PAK5: variants seen among roughly 807,000 people sequenced by gnomAD.
The protein encoded by PAK5 is serine/threonine-protein kinase PAK 5.
In PAK5, 16 loss-of-function variants were observed where a neutral mutation model predicts 65.9. That is an observed-to-expected ratio of 0.24 (90% confidence interval 0.16 to 0.37). The LOEUF (loss-of-function observed/expected upper bound fraction) is 0.37. Ranked by LOEUF, PAK5 falls within the 10% of genes least tolerant of loss-of-function variation. The pLI is 1.00. For synonymous variants in PAK5, 371 were observed against 354.9 expected, an observed-to-expected ratio of 1.05 and a Z score of -0.51; for missense variants, 785 against 903.9, an observed-to-expected ratio of 0.87 and a Z score of 1.69.
At chr20:9,615,177 T>C (rs1465065363) in intron 3 of PAK5, among the ~76,000 whole-genome samples, 2 of 152,090 alleles carry the variant, frequency 1.3e-5, no homozygotes, top group Non-Finnish European at 2.9e-5. Context: ...GGTTAGGGTG[T>C]GGGAGGGATG....
chr20:9,744,725 T>C (rs1600316333), intron 1 of PAK5, among the ~76,000 whole-genome samples: 1 of 152,332 alleles, frequency 6.6e-6, no homozygotes, highest in Non-Finnish European at 1.5e-5. Context: ...CTCAAGGTCA[T>C]GCATGCTGTG....
At chr20:9,825,668 T>C (rs2049475703) in intron 1 of PAK5, among the ~76,000 whole-genome samples, 1 of 152,222 alleles carries the variant, frequency 6.6e-6, no homozygotes, top group African/African-American at 2.4e-5. Flanking sequence ...AGCCTATTTA[T>C]GCAAATGTTT....
intron 2 of PAK5, among the ~76,000 whole-genome samples, chr20:9,690,177 GGAA>G (rs1410604378): frequency 4.6e-5 from 7 of 152,182 alleles, no homozygotes; most frequent in Non-Finnish European, 1.0e-4. Context: ...GGTGGTCACA[GGAA>G]GAAGAATCAA....
At chr20:9,691,435 G>A (rs1233246536) in intron 2 of PAK5, among the ~76,000 whole-genome samples, 5 of 152,096 alleles carry the variant, frequency 3.3e-5, no homozygotes, top group Admixed American at 1.3e-4. Context: ...AAGACTCTAC[G>A]GAAAGAAAAA....
chr20:9,755,672 C>G (rs1182341386), intron 1 of PAK5, among the ~76,000 whole-genome samples: 3 of 152,158 alleles, frequency 2.0e-5, no homozygotes, highest in Non-Finnish European at 2.9e-5. Context: ...GAGTTCAACT[C>G]ATTTTATAGT....
At chr20:9,692,933 A>G (rs1264825419) in intron 2 of PAK5, among the ~76,000 whole-genome samples, 4 of 152,178 alleles carry the variant, frequency 2.6e-5, no homozygotes, top group African/African-American at 9.7e-5. Flanking sequence ...CTCACAAAAC[A>G]AAAAGTCTAT....
At chr20:9,589,590 G>C (rs2046130228) in intron 3 of PAK5, among the ~76,000 whole-genome samples, 1 of 152,120 alleles carries the variant, frequency 6.6e-6, no homozygotes, top group Non-Finnish European at 1.5e-5. Flanking sequence ...TAGTGGTAAG[G>C]GATTCTAACC....
chr20:9,755,282 C>T (rs2048620885), intron 1 of PAK5, among the ~76,000 whole-genome samples: 1 of 152,182 alleles, frequency 6.6e-6, no homozygotes, highest in Admixed American at 6.6e-5. Flanking sequence ...TTCAAGTTAA[C>T]CTTTTTTTAG....
At chr20:9,558,043 T>TTCATTCATTC (rs1555895453) in intron 6 of PAK5, among the ~76,000 whole-genome samples, 245 of 138,948 alleles carry the variant, frequency 1.8e-3, no homozygotes, top group African/African-American at 6.4e-3. Context: ...TTTATTTATT[T>TTCATTCATTC]ATTCATTCAT....
chr20:9,771,942 G>A (rs1472854207), intron 1 of PAK5, among the ~76,000 whole-genome samples: 1 of 152,128 alleles, frequency 6.6e-6, no homozygotes, highest in Admixed American at 6.5e-5. Flanking sequence ...GGAGGCTGAG[G>A]TGGGAGGATT....
intron 2 of PAK5, among the ~76,000 whole-genome samples, chr20:9,658,650 A>G (rs1303370503): frequency 1.3e-5 from 2 of 152,204 alleles, no homozygotes; most frequent in Non-Finnish European, 2.9e-5. Flanking sequence ...CACAATAAGT[A>G]ACAGTGGCAT....
chr20:9,732,469 C>T (rs1449506118), intron 1 of PAK5, among the ~76,000 whole-genome samples: 2 of 152,164 alleles, frequency 1.3e-5, no homozygotes, highest in Non-Finnish European at 2.9e-5. Flanking sequence ...AAAAAAATCA[C>T]TCAGAATTCC....
chr20:9,658,363 A>G (rs1358547187), intron 2 of PAK5, among the ~76,000 whole-genome samples: 2 of 152,218 alleles, frequency 1.3e-5, no homozygotes, highest in African/African-American at 4.8e-5. Flanking sequence ...GGATGGCCAC[A>G]TGGACTCTCA....
chr20:9,734,552 G>GCACACACACACACACACACACACACA (rs56706449), intron 1 of PAK5, among the ~76,000 whole-genome samples: 2 of 149,368 alleles, frequency 1.3e-5, no homozygotes. Flanking sequence ...ACGCGCACAT[G>GCACACACACACACACACACACACACA]CACACACACA....
At position 9,644,288 on chromosome 20, in the gene PAK5, G is replaced by A. The variant is rs760501160; in HGVS notation, c.41C>T (p.Pro14Leu). The change falls in exon 3 of 10, where the codon CCG becomes CTG. Residue 14 changes from proline (P) to leucine (L), a missense_variant. Pro to Leu is a moderately conservative substitution (Grantham distance 98). This residue lies in a region of PAK5 where 71 missense variants were observed against 110.2 expected (regional missense o/e 0.64). Coordinates refer to ENST00000353224, the MANE Select transcript of PAK5 (RefSeq NM_177990.4). ...ATGAACCCTGTGTTCAAAGTTGGAC[G>A]GGCCAGATATTTCAATCTTTTTCTT... ...KKKKKIEISG[P>L]SNFEHRVHTG... The A allele has an allele frequency of 5.0e-6, 8 of 1,606,332 alleles. No homozygotes were observed. Among genetic ancestry groups the A allele is most frequent in the East Asian group, 2.2e-5 (1 of 44,740 alleles).
chr20:9,553,475 T>C (rs2045461181), intron 7 of PAK5, among the ~76,000 whole-genome samples: 1 of 152,170 alleles, frequency 6.6e-6, no homozygotes, highest in Admixed American at 6.6e-5. Context: ...CTGGTGCTGT[T>C]CTTTACAGAC....
intron 1 of PAK5, among the ~76,000 whole-genome samples, chr20:9,715,368 A>G (rs2048130962): frequency 6.6e-6 from 1 of 152,118 alleles, no homozygotes; most frequent in South Asian, 2.1e-4. Flanking sequence ...ACCAGTTAGA[A>G]TGGCGATCAT....
chr20:9,766,467 ATATATATGTATATATATATT>A lies in PAK5; in HGVS notation c.-161-55052_-161-55033del, dbSNP rs1179428187. Among the ~76,000 whole-genome samples the A allele has an allele frequency of 6.4e-4, 40 of 62,546 alleles. 2 individuals are homozygous for A. Among genetic ancestry groups the A allele is most frequent in the South Asian group, 8.1e-4 (2 of 2,480 alleles). The allele number at this position is 62,546 out of a possible 152,430, so 41.0% of individuals were successfully genotyped here. ...ATATGTATATATATATTCAAGCAGA[ATATATATGTATATATATATT>A]CAAGCAGAATATATATATATATATA... is the stretch of plus-strand genomic sequence containing the variant. On this transcript the variant is annotated intron_variant, in intron 1 of 9. Transcript: ENST00000353224.
intron 2 of PAK5, among the ~76,000 whole-genome samples, chr20:9,663,120 T>G (rs1464237092): frequency 6.6e-6 from 1 of 152,218 alleles, no homozygotes; most frequent in Non-Finnish European, 1.5e-5. Flanking sequence ...TAATACATTA[T>G]AGCAGATTAA....
Sources: allele counts gnomAD v4.1 joint callset (sites outside exome capture counted in the v4.1 genomes callset), GRCh38; gene constraint gnomAD v4.1.1; regional missense constraint gnomAD v4.1.1; transcripts MANE v1.5; gene names NCBI Gene and HGNC (gene_info 2026-07-23, HGNC 2026-07-21).